The following POLDIP3 variants were observed in gnomAD, a reference collection of about 807,000 sequenced individuals.
The protein encoded by POLDIP3 is polymerase delta-interacting protein 3.
Under a neutral mutation model 45.1 loss-of-function variants are expected in POLDIP3, and 14 were observed. The observed-to-expected ratio is 0.31, with a 90% CI of 0.20 to 0.49. The LOEUF (loss-of-function observed/expected upper bound fraction) is 0.49. POLDIP3 is among the 20% of genes least tolerant of loss of function. The pLI is 0.99. For missense variants in POLDIP3, 511 were observed against 538.8 expected, an observed-to-expected ratio of 0.95 and a Z score of 0.51; for synonymous variants, 223 against 205.2, an observed-to-expected ratio of 1.09 and a Z score of -0.74.
At chr22:42,599,013 G>T (rs531495990) in intron 4 of POLDIP3, among the ~76,000 whole-genome samples, 2 of 152,168 alleles carry the variant, frequency 1.3e-5, no homozygotes, top group African/African-American at 4.8e-5. Flanking sequence ...GTTAACCAAC[G>T]GAATCCAGAC....
At chr22:42,587,699 G>T in intron 7 of POLDIP3, 127 bp from the exon 8 acceptor site, 1 of 869,324 alleles carries the variant, frequency 1.2e-6, no homozygotes. Flanking sequence ...CTCCACAGAT[G>T]GAGATGGGGC....
Position 42,596,172 on chromosome 22 carries a change from C to T in POLDIP3, c.813+14G>A. The T allele has an allele frequency of 2.5e-6, 4 of 1,613,152 alleles. No individual in the cohort carries two copies. The highest frequency in any genetic ancestry group is 3.4e-6 in the Non-Finnish European group (4 of 1,179,540). ...TCCTGACCCCAACTGCTGCAGTCAC[C>T]ACCATCACCTCACCTCAGCAGCTGG... is the stretch of plus-strand genomic sequence containing the variant. On this transcript the variant is annotated intron_variant, in intron 5 of 8. Coordinates refer to ENST00000252115, the MANE Select transcript of POLDIP3 (RefSeq NM_032311.5).
chr22:42,601,685 C>T (rs534006574), intron 3 of POLDIP3, among the ~76,000 whole-genome samples: 187 of 152,264 alleles, frequency 1.2e-3, no homozygotes, highest in South Asian at 2.1e-3. Context: ...CACTTGAACC[C>T]GGGAGGCAGA....
In POLDIP3 at chr22:42,599,070, T is replaced by C. The variant is rs578247907; in HGVS notation, c.633+628A>G. Among the ~76,000 whole-genome samples, 148 of 152,310 alleles carry C rather than the reference T, an allele frequency of 9.7e-4. 1 individual carries two copies. Among genetic ancestry groups the C allele is most frequent in the South Asian group, 3.1e-3 (15 of 4,826 alleles). On this transcript the variant is annotated intron_variant, in intron 4 of 8. Coordinates refer to ENST00000252115, the MANE Select transcript of POLDIP3 (RefSeq NM_032311.5). ...GCTGACCACAAAGGGTTACGAAGCA[T>C]GCAGAATGGCCAGCCACCAAGGAAA... is the stretch of plus-strand genomic sequence containing the variant.
chr22:42,607,594 C>G (rs1242848271), intron 1 of POLDIP3, among the ~76,000 whole-genome samples: 1 of 151,672 alleles, frequency 6.6e-6, no homozygotes, highest in Admixed American at 6.6e-5. Context: ...AGGAGCCCCT[C>G]TGCCCGGCCG....
At chr22:42,603,941 ATTTTT>A (rs372249140) in intron 1 of POLDIP3, among the ~76,000 whole-genome samples, 10 of 152,118 alleles carry the variant, frequency 6.6e-5, no homozygotes, top group African/African-American at 2.4e-4. Context: ...AAAATAAAAT[ATTTTT>A]TTTAACTGGA....
At chr22:42,587,615 G>A (rs1479959137) in intron 7 of POLDIP3, 43 bp from the exon 8 acceptor site, 27 of 1,556,772 alleles carry the variant, frequency 1.7e-5, no homozygotes, top group South Asian at 6.7e-5. Flanking sequence ...ATGAGACCTC[G>A]GCTCCTCACA....
intron 8 of POLDIP3, among the ~76,000 whole-genome samples, chr22:42,587,092 A>C (rs994605205): frequency 2.7e-5 from 4 of 150,892 alleles, no homozygotes; most frequent in Admixed American, 2.6e-4. Context: ...GAAAAAGCAA[A>C]AAACAAACAA....
intron 1 of POLDIP3, among the ~76,000 whole-genome samples, chr22:42,609,790 T>G (rs1927007949): frequency 6.6e-6 from 1 of 152,156 alleles, no homozygotes; most frequent in Admixed American, 6.5e-5. Flanking sequence ...GTCATTTTTA[T>G]AGAGAGAAAA....
rs138251008 is a variant in POLDIP3 at position 42,589,134 on chromosome 22, T to G, written c.1022-1562A>C. Among the ~76,000 whole-genome samples, 408 of 151,360 alleles carry G rather than the reference T, an allele frequency of 2.7e-3. 4 individuals carry two copies. The highest frequency in any genetic ancestry group is 9.2e-3 in the African/African-American group (381 of 41,208). ...GGTGCACACCTGTAGTCTCAGCCAC[T>G]CAGGAGGCTGAGGCACAAAAATCGC... On this transcript the variant is annotated intron_variant, in intron 7 of 8. Transcript: ENST00000252115.
At chr22:42,589,535 T>G (rs904198132) in intron 7 of POLDIP3, among the ~76,000 whole-genome samples, 6 of 151,430 alleles carry the variant, frequency 4.0e-5, no homozygotes, top group African/African-American at 2.4e-5. Flanking sequence ...TCTCGCCGGG[T>G]GCAGTGGCTC....
At chr22:42,606,508 G>C (rs544991679) in intron 1 of POLDIP3, among the ~76,000 whole-genome samples, 2 of 152,208 alleles carry the variant, frequency 1.3e-5, no homozygotes, top group Non-Finnish European at 2.9e-5. Context: ...GGCAGCATGA[G>C]TCTACTCCAC....
intron 4 of POLDIP3, among the ~76,000 whole-genome samples, chr22:42,596,608 G>A (rs1036276498): frequency 4.6e-5 from 7 of 152,178 alleles, no homozygotes; most frequent in African/African-American, 1.7e-4. Flanking sequence ...CACAGTGCTA[G>A]AAGCTCTTGG....
At position 42,584,857 on chromosome 22, in the gene POLDIP3, G is replaced by A. The variant is rs1691863223; in HGVS notation, c.*934C>T. The A allele has an allele frequency of 4.4e-6, 2 of 455,702 alleles. No individual in the cohort carries two copies. Among genetic ancestry groups the A allele is most frequent in the South Asian group, 3.1e-5 (2 of 64,512 alleles). The allele number at this position is 455,702 out of a possible 1,614,324, so 28.2% of individuals were successfully genotyped here. On this transcript the variant is annotated 3_prime_UTR_variant, in exon 9 of 9. Transcript: ENST00000252115. Reference sequence around the variant, plus strand: ...GTAGACAACTGAGGCCAGAAATGGAGAGCCAGGAACAAACTGACCTCTTCC... The same window carrying A: ...GTAGACAACTGAGGCCAGAAATGGAAAGCCAGGAACAAACTGACCTCTTCC...
At chr22:42,607,619 T>C (rs545439012) in intron 1 of POLDIP3, among the ~76,000 whole-genome samples, 68 of 145,928 alleles carry the variant, frequency 4.7e-4, no homozygotes, top group African/African-American at 1.2e-3. Context: ...GTCTGGGAAG[T>C]GAGGAGCGCC....
In POLDIP3 at chr22:42,584,958, G is replaced by A. The variant is rs1287055383; in HGVS notation, c.*833C>T. On this transcript the variant is annotated 3_prime_UTR_variant, in exon 9 of 9. Coordinates refer to ENST00000252115, the MANE Select transcript of POLDIP3 (RefSeq NM_032311.5). ...TCAAAGGCCCAACCAGAAGAGAGCT[G>A]GCGGCTACACAAAACCAGGGTGTGG... 2 of 456,178 alleles carry A rather than the reference G, an allele frequency of 4.4e-6. No homozygotes were observed. Among genetic ancestry groups the A allele is most frequent in the Non-Finnish European group, 4.4e-6 (1 of 226,978 alleles). 28.3% of individuals were successfully genotyped at this position (456,178 alleles called of 1,614,324 possible).
chr22:42,584,857 G>C lies in POLDIP3; in HGVS notation c.*934C>G. 1 of 455,702 alleles carries C rather than the reference G, an allele frequency of 2.2e-6. No homozygotes were observed. The highest frequency in any genetic ancestry group is 1.6e-5 in the South Asian group (1 of 64,512). The allele number at this position is 455,702 out of a possible 1,614,324, so 28.2% of individuals were successfully genotyped here. On this transcript the variant is annotated 3_prime_UTR_variant, in exon 9 of 9. Coordinates refer to ENST00000252115, the MANE Select transcript of POLDIP3 (RefSeq NM_032311.5). ...GTAGACAACTGAGGCCAGAAATGGAGAGCCAGGAACAAACTGACCTCTTCC... is the reference window on the plus strand; with the variant it reads ...GTAGACAACTGAGGCCAGAAATGGACAGCCAGGAACAAACTGACCTCTTCC...
At chr22:42,606,575 A>C (rs1926743027) in intron 1 of POLDIP3, among the ~76,000 whole-genome samples, 1 of 152,224 alleles carries the variant, frequency 6.6e-6, no homozygotes, top group South Asian at 2.1e-4. Flanking sequence ...GTGAGCCAGG[A>C]TCGAGATACT....
intron 3 of POLDIP3, among the ~76,000 whole-genome samples, chr22:42,601,752 T>G (rs929383792): frequency 2.2e-4 from 34 of 152,190 alleles, no homozygotes; most frequent in African/African-American, 7.5e-4. Flanking sequence ...AGAGCGAGAC[T>G]CCGTCTCAAA....
Sources: allele counts gnomAD v4.1 joint callset (sites outside exome capture counted in the v4.1 genomes callset), GRCh38; gene constraint gnomAD v4.1.1; transcripts MANE v1.5; gene names NCBI Gene and HGNC (gene_info 2026-07-23, HGNC 2026-07-21).